AGK: variants seen among roughly 807,000 people sequenced by gnomAD.
The protein encoded by AGK is acylglycerol kinase, mitochondrial.
In AGK, 52 loss-of-function variants were observed where a neutral mutation model predicts 66.4. That is an observed-to-expected ratio of 0.78 (90% CI 0.63 to 0.99). The LOEUF (loss-of-function observed/expected upper bound fraction) is 0.99. Ranked by LOEUF, AGK falls within the 50% of genes least tolerant of loss-of-function variation. The pLI, the probability that AGK is intolerant of heterozygous loss-of-function variation, is 0.00. For synonymous variants in AGK, 182 were observed against 181.1 expected (o/e 1.00, Z -0.04); for missense variants, 451 against 506.6 (o/e 0.89, Z 1.05).
chr7:141,573,704 G>A (rs183958657), intron 2 of AGK, among the ~76,000 whole-genome samples: 3 of 152,258 alleles, frequency 2.0e-5, no homozygotes, highest in Admixed American at 6.5e-5. Flanking sequence ...ATCATTTCAC[G>A]CACGCTATTT....
chr7:141,616,703 A>G (rs1336682347), intron 8 of AGK, among the ~76,000 whole-genome samples: 1 of 151,662 alleles, frequency 6.6e-6, no homozygotes, highest in East Asian at 1.9e-4. Context: ...AGCCATCCTG[A>G]GGGCCTAACT....
chr7:141,602,803 A>G (rs1294969299), intron 5 of AGK, among the ~76,000 whole-genome samples: 8 of 152,000 alleles, frequency 5.3e-5, no homozygotes, highest in Admixed American at 5.2e-4. Flanking sequence ...TATTTAAGCT[A>G]CAGATCCACT....
At chr7:141,644,511 G>A (rs1797363504) in intron 13 of AGK, among the ~76,000 whole-genome samples, 1 of 152,216 alleles carries the variant, frequency 6.6e-6, no homozygotes, top group East Asian at 1.9e-4. Flanking sequence ...TTCAGTGTAT[G>A]AAAGAAGCTG....
At chr7:141,586,624 T>TTGTA (rs1422753255) in intron 2 of AGK, among the ~76,000 whole-genome samples, 2 of 151,906 alleles carry the variant, frequency 1.3e-5, no homozygotes, top group Non-Finnish European at 2.9e-5. Context: ...AGGGCATGGG[T>TTGTA]TGTATTGTGC....
chr7:141,590,508 T>G (rs1272788004), intron 2 of AGK, among the ~76,000 whole-genome samples: 1 of 152,132 alleles, frequency 6.6e-6, no homozygotes, highest in East Asian at 1.9e-4. Flanking sequence ...CTGTGCAAGT[T>G]GGACTAGGGG....
chr7:141,558,685 T>G (rs763927320), intron 2 of AGK, among the ~76,000 whole-genome samples: 1 of 152,194 alleles, frequency 6.6e-6, no homozygotes, highest in Non-Finnish European at 1.5e-5. Flanking sequence ...CTATTTTTAA[T>G]TTTTTGAAGA....
At chr7:141,595,981 A>G (rs1490170574) in intron 3 of AGK, among the ~76,000 whole-genome samples, 2 of 152,238 alleles carry the variant, frequency 1.3e-5, no homozygotes, top group African/African-American at 4.8e-5. Flanking sequence ...AGAACTAAGA[A>G]TAATGTGTGT....
intron 14 of AGK, chr7:141,650,825 T>G: frequency 4.0e-6 from 1 of 247,506 alleles, no homozygotes; most frequent in Non-Finnish European, 6.4e-6. Context: ...GTCAAGCCCC[T>G]TCTATATAGT....
intron 9 of AGK, among the ~76,000 whole-genome samples, chr7:141,626,061 C>T (rs911831240): frequency 7.2e-5 from 11 of 152,080 alleles, no homozygotes; most frequent in Admixed American, 7.2e-4. Flanking sequence ...ACCTGGCACC[C>T]AGAAGGTGGT....
chr7:141,651,639 C>T, intron 15 of AGK, 30 bp downstream of exon 15: 1 of 1,599,442 alleles, frequency 6.3e-7, no homozygotes. Flanking sequence ...GTAGTCACAG[C>T]ATTTGATTCG....
intron 2 of AGK, among the ~76,000 whole-genome samples, chr7:141,569,229 G>C (rs915196884): frequency 1.3e-5 from 2 of 152,088 alleles, no homozygotes; most frequent in East Asian, 3.9e-4. Context: ...ATTTTACTGA[G>C]AACGTACTAC....
At chr7:141,636,048 C>A (rs1318070638) in intron 10 of AGK, among the ~76,000 whole-genome samples, 3 of 152,142 alleles carry the variant, frequency 2.0e-5, no homozygotes. Context: ...CTATTTTATG[C>A]CGTTTTCTAA....
chr7:141,561,420 G>A (rs906298252), intron 2 of AGK, among the ~76,000 whole-genome samples: 1 of 151,972 alleles, frequency 6.6e-6, no homozygotes, highest in Non-Finnish European at 1.5e-5. Flanking sequence ...CCATATCCAT[G>A]CCAACATCTG....
Position 141,649,349 on chromosome 7 carries a change from T to C in AGK, c.1046+16T>C. ...TAACTATAGGGTAAGTGGACTGGGG[T>C]TCACAGGAAATGAGGCTTGTGATTT... On this transcript the variant is annotated intron_variant, in intron 14 of 15. Coordinates refer to ENST00000649286, the MANE Select transcript of AGK (RefSeq NM_018238.4). The C allele has an allele frequency of 6.3e-7, 1 of 1,591,412 alleles. No individual in the cohort carries two copies. The highest frequency in any genetic ancestry group is 1.1e-5 in the South Asian group (1 of 90,074).
chr7:141,607,657 A>AT (rs908196211), intron 5 of AGK, among the ~76,000 whole-genome samples: 19 of 151,560 alleles, frequency 1.3e-4, no homozygotes, highest in African/African-American at 3.9e-4. Flanking sequence ...TAATTTATCA[A>AT]TTTTTTTTTC....
chr7:141,637,644 G>A (rs1166352841), intron 11 of AGK, among the ~76,000 whole-genome samples: 1 of 152,140 alleles, frequency 6.6e-6, no homozygotes, highest in Non-Finnish European at 1.5e-5. Context: ...ACTATATTCA[G>A]CTTTTATGCA....
At chr7:141,577,797 G>A (rs527523030) in intron 2 of AGK, among the ~76,000 whole-genome samples, 56 of 151,016 alleles carry the variant, frequency 3.7e-4, no homozygotes, top group African/African-American at 1.1e-3. Context: ...CTTCCAGATC[G>A]AATGCCCCAA....
chr7:141,551,588 T>G (rs1363772624), intron 1 of AGK, among the ~76,000 whole-genome samples, 154 bp downstream of exon 1: 3 of 151,428 alleles, frequency 2.0e-5, no homozygotes, highest in Admixed American at 6.6e-5. Context: ...GCATCAGGGG[T>G]CGTGGGTGCA....
Position 141,652,933 on chromosome 7 carries a change from A to G in AGK, c.*9A>G, listed in dbSNP as rs756180245. 6.2e-7 allele frequency: 1 copy of G among 1,613,652 alleles called. No individual in the cohort carries two copies. Among genetic ancestry groups the G allele is most frequent in the African/African-American group, 1.3e-5 (1 of 74,896 alleles). On this transcript the variant is annotated 3_prime_UTR_variant, in exon 16 of 16. Transcript: ENST00000649286. The stretch of plus-strand genomic sequence containing the variant: ...CAAGCCCCACCCAGTGAGCAGCAGA[A>G]GACAAGCACTCTGAGACCACACTTT...
Sources: gnomAD v4.1 joint callset for allele counts (sites outside exome capture counted in the v4.1 genomes callset) on GRCh38, gnomAD v4.1.1 for gene constraint, MANE v1.5 for transcripts, NCBI Gene and HGNC (gene_info 2026-07-23, HGNC 2026-07-21) for gene names.